Variants in RASGRF2 observed in about 807,000 individuals in gnomAD.
The protein encoded by RASGRF2 is Ras protein specific guanine nucleotide releasing factor 2.
A neutral mutation model predicts 151.0 loss-of-function variants in RASGRF2; 76 were observed. The observed-to-expected ratio is 0.50, with a 90% CI of 0.42 to 0.61. The LOEUF (loss-of-function observed/expected upper bound fraction) is 0.61. Ranked by LOEUF, RASGRF2 falls within the 20% of genes least tolerant of loss-of-function variation. The pLI, the probability that RASGRF2 is intolerant of heterozygous loss-of-function variation, is 0.00. For missense variants in RASGRF2, 1,148 were observed against 1,564.6 expected (o/e 0.73, Z 4.49); for synonymous variants, 504 against 566.5 (o/e 0.89, Z 1.57).
intron 17 of RASGRF2, among the ~76,000 whole-genome samples, chr5:81,177,748 C>T (rs1754808871): frequency 6.6e-6 from 1 of 151,982 alleles, no homozygotes; most frequent in African/African-American, 2.4e-5. Context: ...TTGTCCAATT[C>T]AGGCTGGAAA....
intron 1 of RASGRF2, among the ~76,000 whole-genome samples, chr5:80,988,846 T>C (rs1229047793): frequency 1.3e-5 from 2 of 152,138 alleles, no homozygotes; most frequent in Admixed American, 1.3e-4. Flanking sequence ...CAAACAAAAA[T>C]AAAGCATAAC....
rs895778774 is a variant in RASGRF2 at position 80,960,796 on chromosome 5, C to T, written c.58C>T (p.Arg20Cys). The T allele has an allele frequency of 5.0e-6, 8 of 1,613,112 alleles. No homozygotes were observed. Among genetic ancestry groups the T allele is most frequent in the Non-Finnish European group, 5.9e-6 (7 of 1,179,532 alleles). Residue 20 changes from arginine to cysteine, a missense_variant, in exon 1 of 27, where the codon CGC becomes TGC. By Grantham distance (180) the Arg-to-Cys change is radical. Coordinates refer to ENST00000265080, the MANE Select transcript of RASGRF2 (RefSeq NM_006909.3). This position sits in a 1 kb window ranked among gnomAD's most constrained non-coding sequence, Gnocchi z 5.5. ...CGCCCTGTACCTGGCCTTTCTGGCG[C>T]GCAAGGAGGGCACCAAGCGCGGCTT... The part of the protein sequence containing the change: ...GHALYLAFLA[R>C]KEGTKRGFLS...
intron 18 of RASGRF2, among the ~76,000 whole-genome samples, chr5:81,194,542 C>G (rs1033752426): frequency 6.6e-6 from 1 of 151,934 alleles, no homozygotes; most frequent in Non-Finnish European, 1.5e-5. Context: ...AGACTCATCT[C>G]ACAATAGCAT....
chr5:81,094,471 C>A, intron 11 of RASGRF2, 109 bp downstream of exon 11: 1 of 1,077,986 alleles, frequency 9.3e-7, no homozygotes, highest in Non-Finnish European at 1.3e-6. Flanking sequence ...AACCATTTAG[C>A]CCATGAGCCT....
intron 1 of RASGRF2, among the ~76,000 whole-genome samples, chr5:80,983,159 G>A (rs1018707927): frequency 1.3e-5 from 2 of 152,168 alleles, no homozygotes; most frequent in Non-Finnish European, 2.9e-5. Context: ...TCTGAATGTC[G>A]ACGGACTGGC....
intron 18 of RASGRF2, among the ~76,000 whole-genome samples, chr5:81,180,826 T>G (rs1754900392): frequency 6.6e-6 from 1 of 152,120 alleles, no homozygotes; most frequent in Non-Finnish European, 1.5e-5. Context: ...GTTTTTAAAT[T>G]GTGTTACACT....
chr5:81,082,537 T>C (rs1752116554), intron 7 of RASGRF2, among the ~76,000 whole-genome samples: 1 of 152,236 alleles, frequency 6.6e-6, no homozygotes, highest in African/African-American at 2.4e-5. Context: ...AATTTGTAAA[T>C]TGAGGCAGCT....
At chr5:81,111,425 T>C (rs1049984608) in intron 13 of RASGRF2, among the ~76,000 whole-genome samples, 4 of 152,124 alleles carry the variant, frequency 2.6e-5, no homozygotes, top group South Asian at 4.1e-4. Context: ...ACAAAAGCAG[T>C]GGATTGCAGG....
At chr5:81,192,837 C>T (rs545348952) in intron 18 of RASGRF2, among the ~76,000 whole-genome samples, 8 of 152,018 alleles carry the variant, frequency 5.3e-5, no homozygotes, top group Non-Finnish European at 1.0e-4. Context: ...CAAACTGGCC[C>T]GAGTCTAAAC....
intron 21 of RASGRF2, among the ~76,000 whole-genome samples, 175 bp downstream of exon 21, chr5:81,207,524 G>A (rs958614614): frequency 3.9e-5 from 6 of 152,210 alleles, no homozygotes; most frequent in African/African-American, 1.4e-4. Context: ...TCTGCAGGAT[G>A]GGAGCAGGAC....
chr5:81,080,327 G>A (rs1045408244), intron 6 of RASGRF2, 127 bp downstream of exon 6: 23 of 1,476,504 alleles, frequency 1.6e-5, no homozygotes, highest in Middle Eastern at 1.8e-4. Context: ...TCTGTATCCC[G>A]GGACCCTGTC....
intron 25 of RASGRF2, 101 bp downstream of exon 25, chr5:81,217,574 C>T (rs796419113): frequency 0.011 from 1,999 of 180,790 alleles, 6 homozygotes; most frequent in Admixed American, 0.012. Flanking sequence ...TTTTTCTCTT[C>T]TTTTTTTTTT....
chr5:81,127,294 CAGA>C (rs1753483515), intron 17 of RASGRF2, 131 bp downstream of exon 17: 1 of 888,488 alleles, frequency 1.1e-6, no homozygotes, highest in Non-Finnish European at 1.7e-6. Context: ...GAAGCCGAAG[CAGA>C]AGGATTGCTT....
chr5:81,010,563 C>T (rs752771356), intron 1 of RASGRF2, among the ~76,000 whole-genome samples: 13 of 152,160 alleles, frequency 8.5e-5, no homozygotes, highest in Non-Finnish European at 1.8e-4. Context: ...CTAGGTAGTG[C>T]ACATGAGCAA....
intron 18 of RASGRF2, among the ~76,000 whole-genome samples, chr5:81,195,876 C>G (rs1397159943): frequency 6.6e-6 from 1 of 152,210 alleles, no homozygotes; most frequent in Non-Finnish European, 1.5e-5. Flanking sequence ...GATCACCTCT[C>G]TTCAGCCTGT....
chr5:81,047,167 A>G (rs547851340), intron 2 of RASGRF2, among the ~76,000 whole-genome samples: 1 of 152,332 alleles, frequency 6.6e-6, no homozygotes, highest in South Asian at 2.1e-4. Context: ...TGGCCAGGAA[A>G]TGTTGGGCAA....
chr5:81,059,165 C>T (rs1751331253), intron 2 of RASGRF2, among the ~76,000 whole-genome samples: 3 of 151,488 alleles, frequency 2.0e-5, no homozygotes, highest in Non-Finnish European at 1.5e-5. Context: ...CGGTGGATCA[C>T]GAGGTCAGGA....
At chr5:81,141,947 A>G (rs907509355) in intron 17 of RASGRF2, among the ~76,000 whole-genome samples, 3 of 152,246 alleles carry the variant, frequency 2.0e-5, no homozygotes, top group Non-Finnish European at 4.4e-5. Context: ...CTGTGAATTA[A>G]GTTGATGTCA....
At chr5:80,983,158 C>T (rs1009028039) in intron 1 of RASGRF2, among the ~76,000 whole-genome samples, 8 of 152,226 alleles carry the variant, frequency 5.3e-5, no homozygotes, top group African/African-American at 9.6e-5. Flanking sequence ...CTCTGAATGT[C>T]GACGGACTGG....
Sources: allele counts gnomAD v4.1 joint callset (sites outside exome capture counted in the v4.1 genomes callset), GRCh38; gene constraint gnomAD v4.1.1; non-coding constraint Gnocchi (gnomAD v3.1); transcripts MANE v1.5; gene names NCBI Gene and HGNC (gene_info 2026-07-23, HGNC 2026-07-21).